The following PCDHA9 variants were observed in gnomAD, a reference collection of about 807,000 sequenced individuals.
The protein encoded by PCDHA9 is protocadherin alpha 9.
Under a neutral mutation model 62.0 loss-of-function variants are expected in PCDHA9, and 62 were observed. The observed-to-expected ratio is 1.00, with a 90% CI of 0.81 to 1.23. The LOEUF (loss-of-function observed/expected upper bound fraction) is 1.23. PCDHA9 is among the 50% of genes most tolerant of loss of function. The probability of loss-of-function intolerance (pLI) is 0.00; values close to 1 mark genes in which losing one functional copy is unlikely to be tolerated. For missense variants in PCDHA9, 1,205 were observed against 1,249.8 expected, an observed-to-expected ratio of 0.96 and a Z score of 0.54; for synonymous variants, 557 against 567.6, an observed-to-expected ratio of 0.98 and a Z score of 0.27.
At position 140,918,968 on chromosome 5, in the gene PCDHA9, G is replaced by A. The variant is rs1028863089; in HGVS notation, c.2395-59981G>A. Among the ~76,000 whole-genome samples, 5 of 152,196 alleles carry A rather than the reference G, an allele frequency of 3.3e-5. 1 individual carries two copies. The highest frequency in any genetic ancestry group is 5.9e-5 in the Non-Finnish European group (4 of 68,034). On this transcript the variant is annotated intron_variant, in intron 1 of 3. Transcript: ENST00000532602. ...TCCTGAACAGACTAAGACAGATATC[G>A]TTTAGGTTAGTTGGTTTTTAGTGTT...
intron 1 of PCDHA9, chr5:140,928,661 G>A (rs1554206119): frequency 6.2e-7 from 1 of 1,614,218 alleles, no homozygotes; most frequent in Non-Finnish European, 8.5e-7. Flanking sequence ...GATGCTGACA[G>A]TGGTTCTAAT....
chr5:140,882,104 A>C, intron 1 of PCDHA9: 2 of 1,343,832 alleles, frequency 1.5e-6, no homozygotes. Context: ...CGTTTCCGCG[A>C]AGAAAGCCGC....
rs2150411211 is a variant in PCDHA9, at chr5:140,848,488, T to C, written c.-8T>C. The C allele has an allele frequency of 1.0e-5, 16 of 1,574,158 alleles. 1 individual carries two copies. The highest frequency in any genetic ancestry group is 3.4e-4 in the Middle Eastern group (2 of 5,918). On this transcript the variant is annotated 5_prime_UTR_variant, in exon 1 of 4. Coordinates refer to ENST00000532602, the MANE Select transcript of PCDHA9 (RefSeq NM_031857.2). ...TTTCACTAATTAGAAGAAGACTGAG[T>C]ATTTGAAATGTTATACTCAAGTCGA... is the stretch of plus-strand genomic sequence containing the variant.
chr5:140,993,631 G>A (rs1466996708), intron 3 of PCDHA9, among the ~76,000 whole-genome samples: 2 of 152,162 alleles, frequency 1.3e-5, no homozygotes, highest in African/African-American at 2.4e-5. Context: ...ATATATAGTC[G>A]TGTACCAAAT....
chr5:140,886,492 C>A (rs2060999452), intron 1 of PCDHA9, among the ~76,000 whole-genome samples: 1 of 152,036 alleles, frequency 6.6e-6, no homozygotes, highest in Non-Finnish European at 1.5e-5. Flanking sequence ...TAAAATATAT[C>A]TTTTTCCTTT....
chr5:140,899,249 G>A (rs1256693010), intron 1 of PCDHA9, among the ~76,000 whole-genome samples: 9 of 152,122 alleles, frequency 5.9e-5, no homozygotes, highest in African/African-American at 2.2e-4. Context: ...TGGTGAGAGA[G>A]GGCATCCCTG....
At position 140,850,879 on chromosome 5, in the gene PCDHA9, C is replaced by A. The variant is rs2150501286; in HGVS notation, c.2384C>A (p.Ser795Ter). The A allele has an allele frequency of 6.3e-7, 1 of 1,586,914 alleles. No homozygotes were observed. Among genetic ancestry groups the A allele is most frequent in the South Asian group, 1.1e-5 (1 of 89,156 alleles). The change falls in exon 1 of 4, where the codon TCA becomes TAA. Residue 795 changes from serine (S) to a stop codon, truncating the protein, a stop_gained. Coordinates refer to ENST00000532602, the MANE Select transcript of PCDHA9 (RefSeq NM_031857.2). LOFTEE classifies it high-confidence loss of function. The stretch of plus-strand genomic sequence containing the variant: ...GGAGAACCCTCTGCTTCCTCAGATT[C>A]AACTGGGAAGGTGGGTTTTTCTAGC... Reference protein sequence around the residue: ...RTGEPSASSDSTGKPRQPNPD... With the variant: ...RTGEPSASSD
chr5:140,933,900 G>T (rs941556210), intron 1 of PCDHA9, among the ~76,000 whole-genome samples: 1 of 151,518 alleles, frequency 6.6e-6, no homozygotes, highest in South Asian at 2.1e-4. Flanking sequence ...GAATATTTTG[G>T]CATAAAGTTG....
chr5:140,853,929 G>GATTGC, intron 1 of PCDHA9: 1 of 896,830 alleles, frequency 1.1e-6, no homozygotes, highest in Non-Finnish European at 1.4e-6. Context: ...AACATTTTGG[G>GATTGC]AGGCCAAGGT....
chr5:140,883,230 A>T (rs1554177225), intron 1 of PCDHA9: 1 of 1,614,082 alleles, frequency 6.2e-7, no homozygotes, highest in African/African-American at 1.3e-5. Flanking sequence ...ATATCCGTGG[A>T]GGCAGTTGAC....
At chr5:140,968,396 G>A (rs1181874720) in intron 1 of PCDHA9, 1 of 1,613,890 alleles carries the variant, frequency 6.2e-7, no homozygotes, top group Non-Finnish European at 8.5e-7. Flanking sequence ...GAAGTTTCGG[G>A]AGTTCTTTGT....
intron 1 of PCDHA9, chr5:140,861,740 T>C (rs1443034121): frequency 1.3e-5 from 2 of 159,082 alleles, no homozygotes; most frequent in Non-Finnish European, 2.7e-5. Flanking sequence ...TTACATACTG[T>C]GCCGCAATGA....
intron 3 of PCDHA9, among the ~76,000 whole-genome samples, chr5:140,984,149 G>C (rs2097089041): frequency 6.6e-6 from 1 of 152,198 alleles, no homozygotes; most frequent in Non-Finnish European, 1.5e-5. Context: ...CATCTGGGAA[G>C]GTGAGAACTT....
chr5:140,850,923 A>AT lies in PCDHA9; in HGVS notation c.2394+42dup, dbSNP rs2150502772. On this transcript the variant is annotated intron_variant, in intron 1 of 3. Coordinates refer to ENST00000532602, the MANE Select transcript of PCDHA9 (RefSeq NM_031857.2). ...TTCTAGCATTTTATTTATTTATATA[A>AT]TTTTTTTTCTTGAAAGATATTATCG... 4.0e-5 allele frequency: 61 copies of AT among 1,521,758 alleles called. 2 individuals are homozygous for AT. Among genetic ancestry groups the AT allele is most frequent in the Middle Eastern group, 2.1e-4 (1 of 4,736 alleles). The allele number at this position is 1,521,758 out of a possible 1,614,324, so 94.3% of individuals were successfully genotyped here. A position where few individuals can be genotyped will look rare whatever the true frequency, so the allele number is the denominator to read the frequency against.
intron 3 of PCDHA9, among the ~76,000 whole-genome samples, chr5:140,985,878 T>C (rs891027308): frequency 6.6e-6 from 1 of 151,706 alleles, no homozygotes; most frequent in Non-Finnish European, 1.5e-5. Flanking sequence ...TAGCTGGGAC[T>C]ACAGGCGCCC....
rs200597765 is a variant in PCDHA9, at chr5:140,848,761, G to T, written c.266G>T (p.Arg89Leu). 1.1e-5 allele frequency: 18 copies of T among 1,593,344 alleles called. 1 individual carries two copies. The highest frequency in any genetic ancestry group is 1.0e-4 in the Admixed American group (6 of 59,114). Residue 89 changes from arginine to leucine, a missense_variant, in exon 1 of 4, where the codon CGG becomes CTG. Arg to Leu is a moderately radical substitution (Grantham distance 102). Coordinates refer to ENST00000532602, the MANE Select transcript of PCDHA9 (RefSeq NM_031857.2). ...LQNGILFVNS[R>L]IDREELCGRS... ...AATGGCATTTTGTTTGTGAATTCTCGGATCGACCGCGAGGAGCTGTGCGGG... is the reference window on the plus strand; with the variant it reads ...AATGGCATTTTGTTTGTGAATTCTCTGATCGACCGCGAGGAGCTGTGCGGG...
chr5:140,858,449 G>C, intron 1 of PCDHA9: 1 of 1,532,030 alleles, frequency 6.5e-7, no homozygotes, highest in East Asian at 2.4e-5. Context: ...GGGTTATTAC[G>C]TTTTCATTTT....
In PCDHA9 at chr5:141,000,418, TATA is replaced by T. The variant is rs1442097844; in HGVS notation, c.2543-9208_2543-9206del. 6.0e-3 allele frequency among the ~76,000 whole-genome samples: 500 copies of T among 83,616 alleles called. 3 individuals are homozygous for T. The highest frequency in any genetic ancestry group is 7.2e-3 in the African/African-American group (142 of 19,618). 54.9% of individuals were successfully genotyped at this position (83,616 alleles called of 152,430 possible). A position where few individuals can be genotyped will look rare whatever the true frequency, so the allele number is the denominator to read the frequency against. ...CTCTATATATATATATATATATATA[TATA>T]TTTTTTTTTTTTTTTTTTTTTTTGA... On this transcript the variant is annotated intron_variant, in intron 3 of 3. Coordinates refer to ENST00000532602, the MANE Select transcript of PCDHA9 (RefSeq NM_031857.2).
Position 140,848,630 on chromosome 5 carries a change from G to A in PCDHA9, c.135G>A (p.Val45=), listed in dbSNP as rs143400939. ...VPEEAEHGTF[V]GRIAQDLGLE... ...AGGAAGCCGAACACGGCACCTTCGT[G>A]GGCCGCATCGCGCAGGACCTGGGGC... Residue 45 remains valine (V), a synonymous_variant, in exon 1 of 4, where the codon GTG becomes GTA. Transcript: ENST00000532602. 3 of 1,593,262 alleles carry A rather than the reference G, an allele frequency of 1.9e-6. No homozygotes were observed. The highest frequency in any genetic ancestry group is 2.7e-5 in the African/African-American group (2 of 74,360).
Sources: gnomAD v4.1 joint callset for allele counts (sites outside exome capture counted in the v4.1 genomes callset) on GRCh38, gnomAD v4.1.1 for gene constraint, MANE v1.5 for transcripts, NCBI Gene and HGNC (gene_info 2026-07-23, HGNC 2026-07-21) for gene names.